The following MED10 variants were observed in gnomAD, a reference collection of about 807,000 sequenced individuals.
The protein encoded by MED10 is mediator of RNA polymerase II transcription subunit 10.
Under a neutral mutation model 17.2 loss-of-function variants are expected in MED10, and 9 were observed. The ratio of observed to expected loss-of-function variants is 0.52; its 90% CI spans 0.31 to 0.91. MED10 has a LOEUF of 0.91. Ranked by LOEUF, MED10 falls within the 40% of genes least tolerant of loss-of-function variation. The probability of loss-of-function intolerance (pLI) is 0.04; values close to 1 mark genes in which losing one functional copy is unlikely to be tolerated. For missense variants in MED10, 129 were observed against 164.8 expected (o/e 0.78, Z 1.19); for synonymous variants, 66 against 59.8 (o/e 1.10, Z -0.48).
At chr5:6,373,592 G>C (rs1199649190) in intron 3 of MED10, among the ~76,000 whole-genome samples, 1 of 151,686 alleles carries the variant, frequency 6.6e-6, no homozygotes, top group Non-Finnish European at 1.5e-5. Context: ...ACGAACGAAA[G>C]GGTTGGATGT....
At chr5:6,374,152 G>A (rs1006726966) in intron 3 of MED10, among the ~76,000 whole-genome samples, 172 bp downstream of exon 3, 5 of 152,240 alleles carry the variant, frequency 3.3e-5, no homozygotes, top group South Asian at 2.1e-4. Flanking sequence ...ATGCTATTAC[G>A]CAGCTGATAT....
Position 6,372,616 on chromosome 5 carries a change from C to T in MED10, c.310-15G>A. On this transcript the variant is annotated splice_polypyrimidine_tract_variant and intron_variant, in intron 3 of 3. Coordinates refer to ENST00000255764, the MANE Select transcript of MED10 (RefSeq NM_032286.3). ...CTTTTAAATTTCTACAAAGAAAATA[C>T]ATTATCAAAGGAGCTCTTCACATCA... The T allele has an allele frequency of 6.3e-7, 1 of 1,595,598 alleles. No homozygotes were observed. The highest frequency in any genetic ancestry group is 8.6e-7 in the Non-Finnish European group (1 of 1,163,148).
At position 6,377,249 on chromosome 5, in the gene MED10, C is replaced by T. The variant is rs975802420; in HGVS notation, c.123G>A (p.Leu41=). ...PSSQAGLNQK[L]NFIVTGLQDI... The stretch of plus-strand genomic sequence containing the variant: ...CCTGTAAGCCAGTAACAATAAAATT[C>T]CTGGGGGAAAGGCAAACACACAGGC... The change falls in exon 2 of 4, where the codon CTG becomes CTA. Residue 41 remains leucine, a splice_region_variant and synonymous_variant. Coordinates refer to ENST00000255764, the MANE Select transcript of MED10 (RefSeq NM_032286.3). The T allele has an allele frequency of 5.0e-6, 8 of 1,607,470 alleles. No homozygotes were observed. The African/African-American group carries it at 8.2e-5, about 16-fold the overall frequency.
intron 3 of MED10, among the ~76,000 whole-genome samples, chr5:6,372,973 C>T (rs1737917626): frequency 2.6e-5 from 4 of 152,174 alleles, no homozygotes; most frequent in Admixed American, 2.0e-4. Context: ...CGAAACGGAA[C>T]AATCAAAACG....
Position 6,372,529 on chromosome 5 carries a change from G to A in MED10, c.382C>T (p.Arg128Trp), listed in dbSNP as rs370523788. The A allele has an allele frequency of 2.0e-5, 33 of 1,614,024 alleles. 1 individual carries two copies. Among genetic ancestry groups the A allele is most frequent in the Non-Finnish European group, 2.4e-5 (28 of 1,180,018 alleles). Residue 128 changes from arginine (R) to tryptophan (W), a missense_variant, in exon 4 of 4, where the codon CGG becomes TGG. Arg to Trp is a moderately radical substitution (Grantham distance 101). Coordinates refer to ENST00000255764, the MANE Select transcript of MED10 (RefSeq NM_032286.3). ...TAAGAAGGCGGGTGATCCTCCCCCCGGATGCTTCGATACTTAGCCATGTCT... is the reference window on the plus strand; with the variant it reads ...TAAGAAGGCGGGTGATCCTCCCCCCAGATGCTTCGATACTTAGCCATGTCT... ...PEDMAKYRSI[R>W]GEDHPPS
chr5:6,372,408 C>T lies in MED10; in HGVS notation c.*95G>A. On this transcript the variant is annotated 3_prime_UTR_variant, in exon 4 of 4. Coordinates refer to ENST00000255764, the MANE Select transcript of MED10 (RefSeq NM_032286.3). ...CTGAGGGGTGTGTCCAGGGCCCAGT[C>T]CCACCTCAGCAGGAAGGTGGCGTCA... The T allele has an allele frequency of 9.7e-7, 1 of 1,027,660 alleles. No homozygotes were observed. Among genetic ancestry groups the T allele is most frequent in the Non-Finnish European group, 1.5e-6 (1 of 655,516 alleles). 63.7% of individuals were successfully genotyped at this position (1,027,660 alleles called of 1,614,324 possible).
At position 6,372,524 on chromosome 5, in the gene MED10, C is replaced by T. The variant is rs1737909433; in HGVS notation, c.387G>A (p.Gly129=). Residue 129 remains glycine (G), a synonymous_variant, in exon 4 of 4, where the codon GGG becomes GGA. Coordinates refer to ENST00000255764, the MANE Select transcript of MED10 (RefSeq NM_032286.3). ...CTGGTTAAGAAGGCGGGTGATCCTC[C>T]CCCCGGATGCTTCGATACTTAGCCA... is the stretch of plus-strand genomic sequence containing the variant. ...EDMAKYRSIR[G]EDHPPS is the part of the protein sequence containing the mutation. 1 of 1,614,054 alleles carries T rather than the reference C, an allele frequency of 6.2e-7. No homozygotes were observed. The highest frequency in any genetic ancestry group is 1.3e-5 in the African/African-American group (1 of 74,926).
intron 2 of MED10, chr5:6,374,747 T>C (rs1737958264): frequency 3.9e-6 from 1 of 256,002 alleles, no homozygotes; most frequent in Non-Finnish European, 7.8e-6. Flanking sequence ...ATGCTATTTA[T>C]TACCTTTTTG....
chr5:6,372,932 G>C (rs1178661098), intron 3 of MED10, among the ~76,000 whole-genome samples: 1 of 152,178 alleles, frequency 6.6e-6, no homozygotes, highest in Non-Finnish European at 1.5e-5. Flanking sequence ...GTTTCTGTTG[G>C]CCAATATAAT....
intron 2 of MED10, 148 bp downstream of exon 2, chr5:6,377,018 T>C (rs1305730556): frequency 4.5e-6 from 2 of 443,644 alleles, no homozygotes; most frequent in East Asian, 3.5e-5. Context: ...TATTTTTGTC[T>C]ATTTTTTTTT....
Position 6,374,475 on chromosome 5 carries a change from T to C in MED10, c.207-49A>G, listed in dbSNP as rs1282327934. The C allele has an allele frequency of 8.5e-6, 11 of 1,291,990 alleles. No individual in the cohort carries two copies. In the Admixed American group the frequency reaches 1.8e-4, roughly 22 times the overall value. The allele number at this position is 1,291,990 out of a possible 1,614,324, so 80.0% of individuals were successfully genotyped here. A position where few individuals can be genotyped will look rare whatever the true frequency, so the allele number is the denominator to read the frequency against. On this transcript the variant is annotated intron_variant, in intron 2 of 3. Coordinates refer to ENST00000255764, the MANE Select transcript of MED10 (RefSeq NM_032286.3). ...TAGCATTCTCATGACTGACACCTATTCTCACAGCTTTCTGAAAGGTATGGG... is the reference window on the plus strand; with the variant it reads ...TAGCATTCTCATGACTGACACCTATCCTCACAGCTTTCTGAAAGGTATGGG...
Position 6,372,223 on chromosome 5 carries a change from C to T in MED10, c.*280G>A, listed in dbSNP as rs935484536. On this transcript the variant is annotated 3_prime_UTR_variant, in exon 4 of 4. Coordinates refer to ENST00000255764, the MANE Select transcript of MED10 (RefSeq NM_032286.3). ...TAACATTTCCAAGACTATTTTCCTG[C>T]GCCTCATCTGCCCTCAGAGAGAATG... The T allele has an allele frequency of 4.6e-5, 17 of 370,302 alleles. No homozygotes were observed. The highest frequency in any genetic ancestry group is 8.3e-5 in the African/African-American group (4 of 48,456). The allele number at this position is 370,302 out of a possible 1,614,324, so 22.9% of individuals were successfully genotyped here. A position where few individuals can be genotyped will look rare whatever the true frequency, so the allele number is the denominator to read the frequency against.
chr5:6,373,837 T>C (rs1461908551), intron 3 of MED10, among the ~76,000 whole-genome samples: 1 of 152,204 alleles, frequency 6.6e-6, no homozygotes, highest in African/African-American at 2.4e-5. Flanking sequence ...CAGAGAGTTC[T>C]CTACATCTCA....
At chr5:6,373,127 T>C (rs73040198) in intron 3 of MED10, among the ~76,000 whole-genome samples, 1,993 of 152,188 alleles carry the variant, frequency 0.013, 51 homozygotes, top group African/African-American at 0.045. Context: ...TTCTGAGGTG[T>C]GCTGTTTACC....
At chr5:6,375,482 G>A (rs908414282) in intron 2 of MED10, among the ~76,000 whole-genome samples, 4 of 152,178 alleles carry the variant, frequency 2.6e-5, no homozygotes, top group Non-Finnish European at 5.9e-5. Flanking sequence ...TTGAAATAAT[G>A]TAATGTGGCA....
intron 2 of MED10, chr5:6,374,666 A>T (rs1252386389): frequency 6.5e-6 from 3 of 459,540 alleles, no homozygotes; most frequent in African/African-American, 5.9e-5. Context: ...GATCACTGAT[A>T]AACCCAAGCA....
chr5:6,376,548 T>C lies in MED10; in HGVS notation c.206+618A>G, dbSNP rs534200535. 2.7e-4 allele frequency among the ~76,000 whole-genome samples: 41 copies of C among 152,334 alleles called. 1 individual carries two copies. The highest frequency in any genetic ancestry group is 2.3e-3 in the Admixed American group (35 of 15,306). ...TGCAAGAAAACCTGGATTTTAAAAA[T>C]CTAAAAGCTCATTCCTGTATGTGTT... On this transcript the variant is annotated intron_variant, in intron 2 of 3. Coordinates refer to ENST00000255764, the MANE Select transcript of MED10 (RefSeq NM_032286.3).
chr5:6,374,756 T>G (rs866513355), intron 2 of MED10: 15 of 244,854 alleles, frequency 6.1e-5, no homozygotes, highest in African/African-American at 2.9e-4. Context: ...ATTACCTTTT[T>G]GATCCTTACA....
In MED10 at chr5:6,372,461, A is replaced by G. The variant is rs199607293; in HGVS notation, c.*42T>C. On this transcript the variant is annotated 3_prime_UTR_variant, in exon 4 of 4. Coordinates refer to ENST00000255764, the MANE Select transcript of MED10 (RefSeq NM_032286.3). ...ACTCGCAGTCCCAGCCTCACGCCGCATCGCAGTCCCAGGGGATCTTCACAC... is the reference window on the plus strand; with the variant it reads ...ACTCGCAGTCCCAGCCTCACGCCGCGTCGCAGTCCCAGGGGATCTTCACAC... 7 of 1,559,250 alleles carry G rather than the reference A, an allele frequency of 4.5e-6. No individual in the cohort carries two copies. The highest frequency in any genetic ancestry group is 1.8e-6 in the Non-Finnish European group (2 of 1,130,536).
Sources: allele counts gnomAD v4.1 joint callset (sites outside exome capture counted in the v4.1 genomes callset), GRCh38; gene constraint gnomAD v4.1.1; transcripts MANE v1.5; gene names NCBI Gene and HGNC (gene_info 2026-07-23, HGNC 2026-07-21).